KIDINS220: variants seen among roughly 807,000 people sequenced by gnomAD.
The protein encoded by KIDINS220 is kinase D-interacting substrate of 220 kDa.
In KIDINS220, 63 loss-of-function variants were observed where a neutral mutation model predicts 157.6. The observed-to-expected ratio is 0.40, with a 90% CI of 0.33 to 0.49. The LOEUF (loss-of-function observed/expected upper bound fraction) is 0.49. KIDINS220 is among the 20% of genes least tolerant of loss of function. The pLI, the probability that KIDINS220 is intolerant of heterozygous loss-of-function variation, is 0.66. For synonymous variants in KIDINS220, 732 were observed against 783.6 expected, an observed-to-expected ratio of 0.93 and a Z score of 1.10; for missense variants, 1,772 against 2,171.2, an observed-to-expected ratio of 0.82 and a Z score of 3.65.
rs767218593 is a variant in KIDINS220 at position 8,731,672 on chromosome 2, C to A, written c.4364G>T (p.Gly1455Val). ...TGATGATGAATAATCGATAACATCT[C>A]CCCTCTTCATTAGAAAGGACTTCCT... Reference protein sequence around the residue: ...DGRKSFLMKRGDVIDYSSSGV... With the variant: ...DGRKSFLMKRVDVIDYSSSGV... Residue 1455 changes from glycine to valine, a missense_variant, in exon 30 of 30, where the codon GGA becomes GTA. Around this residue, in one of 3 missense-constraint regions of KIDINS220, gnomAD observed 793 missense variants for 885.5 expected, o/e 0.90. Transcript: ENST00000256707. The surrounding 1 kb of genome is among the most constrained non-coding windows in gnomAD (Gnocchi z 5.2). The A allele has an allele frequency of 5.0e-6, 8 of 1,614,180 alleles. No homozygotes were observed. The highest frequency in any genetic ancestry group is 3.3e-4 in the Middle Eastern group (2 of 6,062).
At chr2:8,762,509 G>A (rs773328871) in intron 22 of KIDINS220, among the ~76,000 whole-genome samples, 20 of 152,094 alleles carry the variant, frequency 1.3e-4, no homozygotes, top group Admixed American at 2.6e-4. Flanking sequence ...AGGCTGAGGC[G>A]GGTAGATCAC....
intron 1 of KIDINS220, among the ~76,000 whole-genome samples, chr2:8,828,954 T>C (rs1390084105): frequency 1.3e-5 from 2 of 152,212 alleles, no homozygotes; most frequent in Non-Finnish European, 2.9e-5. Flanking sequence ...GAGATTTAAA[T>C]GAGACTGTGG....
intron 21 of KIDINS220, among the ~76,000 whole-genome samples, chr2:8,774,188 C>T (rs1462348614): frequency 6.0e-5 from 9 of 150,860 alleles, no homozygotes; most frequent in Admixed American, 2.0e-4. Flanking sequence ...CCCAGCTACT[C>T]GGGAGGCTGG....
At chr2:8,830,763 G>C (rs1484317587) in intron 1 of KIDINS220, among the ~76,000 whole-genome samples, 1 of 152,036 alleles carries the variant, frequency 6.6e-6, no homozygotes, top group Admixed American at 6.6e-5. Context: ...GCTATTCTTT[G>C]TTCCCAGATC....
chr2:8,730,330 C>T lies in KIDINS220; in HGVS notation c.*390G>A. 1 of 1,008,632 alleles carries T rather than the reference C, an allele frequency of 9.9e-7. No individual in the cohort carries two copies. Among genetic ancestry groups the T allele is most frequent in the Non-Finnish European group, 1.2e-6 (1 of 845,324 alleles). The allele number at this position is 1,008,632 out of a possible 1,614,324, so 62.5% of individuals were successfully genotyped here. A position where few individuals can be genotyped will look rare whatever the true frequency, so the allele number is the denominator to read the frequency against. ...CTTCACCTAACGCCACGTCTTCCCT[C>T]AAATGTGTGGTCACCAAATGTTTGC... On this transcript the variant is annotated 3_prime_UTR_variant, in exon 30 of 30. Transcript: ENST00000256707.
intron 15 of KIDINS220, 149 bp from the exon 16 acceptor site, chr2:8,786,506 T>C: frequency 1.5e-6 from 1 of 680,990 alleles, no homozygotes; most frequent in Admixed American, 3.0e-5. Flanking sequence ...GAAAAGAATT[T>C]GTAATTAGGT....
chr2:8,817,303 A>G (rs1211336924), intron 4 of KIDINS220, among the ~76,000 whole-genome samples: 5 of 152,170 alleles, frequency 3.3e-5, no homozygotes, highest in African/African-American at 1.2e-4. Context: ...GTCCCTCCTA[A>G]AGTCCTACCT....
At chr2:8,739,733 A>T (rs1665380005) in intron 26 of KIDINS220, among the ~76,000 whole-genome samples, 1 of 152,240 alleles carries the variant, frequency 6.6e-6, no homozygotes, top group Non-Finnish European at 1.5e-5. Flanking sequence ...AGACCATTTT[A>T]GCGTATTGAT....
chr2:8,733,045 T>C (rs572890102), intron 29 of KIDINS220, among the ~76,000 whole-genome samples: 29 of 152,286 alleles, frequency 1.9e-4, no homozygotes, highest in Admixed American at 3.3e-4. Flanking sequence ...AACCAAAGGA[T>C]GGTGCTCAAA....
Position 8,733,396 on chromosome 2 carries a change from C to T in KIDINS220, c.4053+48G>A, listed in dbSNP as rs143441349. On this transcript the variant is annotated intron_variant, in intron 29 of 29. Transcript: ENST00000256707. ...GCCCATATAATCTCAGTGAACTGAA[C>T]GGTGTGCTTATTCTTCAATAATATG... 929 of 1,442,886 alleles carry T rather than the reference C, an allele frequency of 6.4e-4. 5 individuals are homozygous for T. In the African/African-American group the frequency reaches 9.1e-3, roughly 14 times the overall value. The allele number at this position is 1,442,886 out of a possible 1,614,324, so 89.4% of individuals were successfully genotyped here.
intron 5 of KIDINS220, 86 bp downstream of exon 5, chr2:8,813,151 C>G (rs749896747): frequency 1.3e-6 from 1 of 758,722 alleles, no homozygotes; most frequent in Non-Finnish European, 2.2e-6. Context: ...TTCTACCCAC[C>G]ACGAAGCCAA....
At chr2:8,741,810 T>C (rs1221821436) in intron 26 of KIDINS220, among the ~76,000 whole-genome samples, 1 of 152,190 alleles carries the variant, frequency 6.6e-6, no homozygotes, top group African/African-American at 2.4e-5. Context: ...GTGAAGACAA[T>C]TTTTCACTAT....
intron 1 of KIDINS220, among the ~76,000 whole-genome samples, chr2:8,836,737 G>C (rs1281181415): frequency 1.3e-5 from 2 of 152,118 alleles, no homozygotes; most frequent in Non-Finnish European, 2.9e-5. Context: ...GAACCTGAAG[G>C]GGTGATTCCC....
At chr2:8,828,708 T>G (rs1195165753) in intron 1 of KIDINS220, among the ~76,000 whole-genome samples, 3 of 152,170 alleles carry the variant, frequency 2.0e-5, no homozygotes, top group African/African-American at 7.2e-5. Context: ...TAAACCAGAG[T>G]TCGTCAAAAT....
At chr2:8,789,853 T>C in intron 14 of KIDINS220, 27 bp downstream of exon 14, 3 of 1,508,838 alleles carry the variant, frequency 2.0e-6, no homozygotes, top group Non-Finnish European at 2.7e-6. Context: ...TCTCCATTTT[T>C]GAAAAAGATA....
In KIDINS220 at chr2:8,776,717, A is replaced by T. The variant is rs4669338; in HGVS notation, c.2848+31T>A. ...GTTTTGTGAATGCTAAAGCTTATTAACTATCATAGACAATAAGAGACAAAA... is the reference window on the plus strand; with the variant it reads ...GTTTTGTGAATGCTAAAGCTTATTATCTATCATAGACAATAAGAGACAAAA... On this transcript the variant is annotated intron_variant, in intron 21 of 29. Transcript: ENST00000256707. 1,548,675 of 1,589,476 alleles carry T rather than the reference A, an allele frequency of 0.97. 755,058 individuals are homozygous for T. The highest frequency in any genetic ancestry group is 0.99 in the South Asian group (88,086 of 89,356).
At chr2:8,735,699 C>G (rs928415632) in intron 27 of KIDINS220, among the ~76,000 whole-genome samples, 2 of 152,118 alleles carry the variant, frequency 1.3e-5, no homozygotes, top group African/African-American at 4.8e-5. Flanking sequence ...TATGAAATAG[C>G]TATGTTTATA....
intron 24 of KIDINS220, chr2:8,749,300 C>G (rs933733146): frequency 1.0e-5 from 4 of 395,758 alleles, no homozygotes; most frequent in African/African-American, 8.5e-5. Context: ...GCTTCTATGA[C>G]TAACTAGGTC....
chr2:8,755,250 T>A (rs776153896), intron 22 of KIDINS220, among the ~76,000 whole-genome samples: 6 of 152,196 alleles, frequency 3.9e-5, no homozygotes, highest in African/African-American at 1.4e-4. Flanking sequence ...TCGGTGCAAT[T>A]TCCCCCTCCT....
Sources: allele counts gnomAD v4.1 joint callset (sites outside exome capture counted in the v4.1 genomes callset), GRCh38; gene constraint gnomAD v4.1.1; regional missense constraint gnomAD v4.1.1; non-coding constraint Gnocchi (gnomAD v3.1); transcripts MANE v1.5; gene names NCBI Gene and HGNC (gene_info 2026-07-23, HGNC 2026-07-21).